The following COL11A1 variants were observed in gnomAD, a reference collection of about 807,000 sequenced individuals.
The protein encoded by COL11A1 is collagen type XI alpha 1 chain.
Under a neutral mutation model 265.2 loss-of-function variants are expected in COL11A1, and 74 were observed. The observed-to-expected ratio is 0.28, with a 90% CI of 0.23 to 0.34. COL11A1 has a LOEUF of 0.34. Ranked by LOEUF, COL11A1 falls within the 10% of genes least tolerant of loss-of-function variation. The pLI is 1.00. For missense variants in COL11A1, 2,165 were observed against 2,263.6 expected (o/e 0.96, Z 0.88); for synonymous variants, 816 against 727.6 (o/e 1.12, Z -1.96).
chr1:103,057,384 A>G (rs943876323), intron 4 of COL11A1, among the ~76,000 whole-genome samples: 2 of 152,250 alleles, frequency 1.3e-5, no homozygotes, highest in African/African-American at 4.8e-5. Flanking sequence ...TTTCTGCCGC[A>G]TCGGCATTGA....
At chr1:103,085,196 A>G (rs1266775922) in intron 1 of COL11A1, among the ~76,000 whole-genome samples, 1 of 152,202 alleles carries the variant, frequency 6.6e-6, no homozygotes, top group Admixed American at 6.5e-5. Context: ...TTGGATAATT[A>G]TGGTAGAGTT....
At chr1:103,058,744 C>T (rs79608894) in intron 4 of COL11A1, among the ~76,000 whole-genome samples, 4,659 of 152,216 alleles carry the variant, frequency 0.031, 272 homozygotes, top group African/African-American at 0.11. Context: ...AGTCAGAACA[C>T]ACAAAACATT....
At chr1:102,890,723 A>C (rs965207008) in intron 57 of COL11A1, among the ~76,000 whole-genome samples, 22 of 152,190 alleles carry the variant, frequency 1.4e-4, no homozygotes, top group African/African-American at 4.8e-4. Context: ...TGATTAAATG[A>C]ATGTAAAGTT....
intron 28 of COL11A1, among the ~76,000 whole-genome samples, chr1:102,991,741 C>T (rs1007377671): frequency 2.0e-5 from 3 of 151,912 alleles, no homozygotes; most frequent in Middle Eastern, 3.2e-3. Context: ...CCAGAAAATA[C>T]CAAATACTGG....
chr1:103,033,879 C>A (rs181783915), intron 4 of COL11A1, among the ~76,000 whole-genome samples: 1 of 152,046 alleles, frequency 6.6e-6, no homozygotes, highest in Non-Finnish European at 1.5e-5. Flanking sequence ...AGCTATCTTC[C>A]GACTTCAGCC....
chr1:103,106,693 C>T (rs78195975), intron 1 of COL11A1, among the ~76,000 whole-genome samples: 8,545 of 152,152 alleles, frequency 0.056, 327 homozygotes, highest in African/African-American at 0.098. Flanking sequence ...AAATATAGTC[C>T]TAATAGGACT....
intron 57 of COL11A1, among the ~76,000 whole-genome samples, chr1:102,894,519 G>C (rs1483302399): frequency 9.7e-6 from 1 of 102,652 alleles, no homozygotes; most frequent in African/African-American, 4.0e-5. Flanking sequence ...CGGTGATAGA[G>C]TGAGACTCTG....
intron 44 of COL11A1, among the ~76,000 whole-genome samples, chr1:102,937,056 T>C (rs1296864688): frequency 2.0e-5 from 3 of 152,194 alleles, no homozygotes; most frequent in African/African-American, 4.8e-5. Context: ...CTTGGGACTA[T>C]ATATTTTTAT....
intron 4 of COL11A1, among the ~76,000 whole-genome samples, chr1:103,038,981 C>T (rs1404556823): frequency 1.3e-5 from 2 of 152,078 alleles, no homozygotes; most frequent in Non-Finnish European, 2.9e-5. Flanking sequence ...TCTGCAGTTT[C>T]TCAAGTAAGC....
At chr1:102,989,798 A>G (rs779130240) in intron 28 of COL11A1, among the ~76,000 whole-genome samples, 2 of 152,072 alleles carry the variant, frequency 1.3e-5, no homozygotes, top group African/African-American at 2.4e-5. Context: ...ACCCTAGGAC[A>G]TTTTTCACAA....
At chr1:102,984,065 T>A in intron 31 of COL11A1, 73 bp downstream of exon 31, 1 of 1,056,356 alleles carries the variant, frequency 9.5e-7, no homozygotes, top group Non-Finnish European at 1.5e-6. Flanking sequence ...TGTTACAAAT[T>A]GTAAGGTAAT....
intron 4 of COL11A1, among the ~76,000 whole-genome samples, chr1:103,058,723 G>A (rs541008352): frequency 1.3e-5 from 2 of 152,134 alleles, no homozygotes; most frequent in Non-Finnish European, 2.9e-5. Flanking sequence ...GGTCAGTTGA[G>A]CCAGTTGAGC....
intron 9 of COL11A1, among the ~76,000 whole-genome samples, chr1:103,019,835 A>G (rs887413918): frequency 3.4e-5 from 5 of 149,216 alleles, no homozygotes; most frequent in African/African-American, 1.2e-4. Flanking sequence ...GAGAATACGC[A>G]GTGTTTGGTT....
intron 4 of COL11A1, among the ~76,000 whole-genome samples, chr1:103,064,673 G>C (rs1422032035): frequency 7.6e-6 from 1 of 131,264 alleles, no homozygotes; most frequent in Non-Finnish European, 1.6e-5. Flanking sequence ...CTGGGAGACA[G>C]AGCCAGACTC....
chr1:102,948,005 A>T (rs889115523), intron 41 of COL11A1, among the ~76,000 whole-genome samples: 1 of 151,736 alleles, frequency 6.6e-6, no homozygotes. Flanking sequence ...TCATTTCAAA[A>T]CTCAGAGAAA....
chr1:103,093,902 G>T (rs1172697812), intron 1 of COL11A1, among the ~76,000 whole-genome samples: 1 of 152,112 alleles, frequency 6.6e-6, no homozygotes, highest in Non-Finnish European at 1.5e-5. Context: ...TGTATGGAAA[G>T]CACTGTCAAT....
chr1:102,889,531 G>A lies in COL11A1; in HGVS notation c.4388C>T (p.Pro1463Leu). Residue 1463 changes from proline to leucine, a missense_variant, in exon 59 of 67, where the codon CCT becomes CTT. Pro to Leu is a moderately conservative substitution (Grantham distance 98). Transcript: ENST00000370096. ...ACCTTTTTCCCCTTGTTCTCCTGGA[G>A]GACCAATCAGGCCAATTAAACCAGG... The part of the protein sequence containing the change: ...GHPGLIGLIG[P>L]PGEQGEKGDR... 6.2e-7 allele frequency: 1 copy of A among 1,613,486 alleles called. No individual in the cohort carries two copies.
chr1:103,014,040 T>G (rs551418815), intron 13 of COL11A1, among the ~76,000 whole-genome samples: 1 of 152,192 alleles, frequency 6.6e-6, no homozygotes, highest in South Asian at 2.1e-4. Context: ...TGAAGGTTTC[T>G]TTTTTATATA....
Position 103,001,191 on chromosome 1 carries a change from T to C in COL11A1, c.2142+734A>G, listed in dbSNP as rs183486843. 8.5e-4 allele frequency: 337 copies of C among 397,678 alleles called. No homozygotes were observed. Among genetic ancestry groups the C allele is most frequent in the Middle Eastern group, 3.8e-3 (6 of 1,582 alleles). The allele number at this position is 397,678 out of a possible 1,614,324, so 24.6% of individuals were successfully genotyped here. On this transcript the variant is annotated intron_variant, in intron 24 of 66. Transcript: ENST00000370096. The stretch of plus-strand genomic sequence containing the variant: ...TGGTATAAGTATTCCGAAACTTAGA[T>C]TGCAGCACATCTGTAAATTTAGTAA...
Sources: gnomAD v4.1 joint callset for allele counts (sites outside exome capture counted in the v4.1 genomes callset) on GRCh38, gnomAD v4.1.1 for gene constraint, MANE v1.5 for transcripts, NCBI Gene and HGNC (gene_info 2026-07-23, HGNC 2026-07-21) for gene names.